Variants in SCARB2 observed in about 807,000 individuals in gnomAD.
SCARB2 encodes scavenger receptor class B member 2.
A neutral mutation model predicts 58.6 loss-of-function variants in SCARB2; 29 were observed. The ratio of observed to expected loss-of-function variants is 0.49; its 90% CI spans 0.37 to 0.67. The LOEUF (loss-of-function observed/expected upper bound fraction) is 0.67. Ranked by LOEUF, SCARB2 falls within the 30% of genes least tolerant of loss-of-function variation. The probability of loss-of-function intolerance (pLI) is 0.00; values close to 1 mark genes in which losing one functional copy is unlikely to be tolerated. For synonymous variants in SCARB2, 195 were observed against 210.1 expected (o/e 0.93, Z 0.62); for missense variants, 488 against 578.5 (o/e 0.84, Z 1.60).
chr4:76,171,515 G>A (rs1327716691), intron 7 of SCARB2, among the ~76,000 whole-genome samples: 1 of 152,156 alleles, frequency 6.6e-6, no homozygotes, highest in African/African-American at 2.4e-5. Flanking sequence ...GGATAATCCT[G>A]GGGAGTTTCA....
intron 7 of SCARB2, chr4:76,172,847 G>C (rs1732161082): frequency 6.6e-6 from 1 of 152,094 alleles, no homozygotes; most frequent in Admixed American, 6.6e-5. Context: ...ATAGATAAGG[G>C]AGCAAAAGTG....
chr4:76,215,251 T>G (rs1172493560), upstream of SCARB2, among the ~76,000 whole-genome samples: 5 of 152,232 alleles, frequency 3.3e-5, no homozygotes, highest in Non-Finnish European at 7.3e-5. Context: ...CTATAGTGTA[T>G]TATCCTCATT....
chr4:76,196,668 G>A (rs1234285630), intron 1 of SCARB2, among the ~76,000 whole-genome samples: 1 of 152,132 alleles, frequency 6.6e-6, no homozygotes, highest in Non-Finnish European at 1.5e-5. Flanking sequence ...ACCACCAGGG[G>A]CTTTAAATGT....
chr4:76,174,497 G>A (rs567109302), intron 6 of SCARB2, 184 bp from the exon 7 acceptor site: 5 of 617,568 alleles, frequency 8.1e-6, no homozygotes, highest in African/African-American at 7.3e-5. Flanking sequence ...GAATTGTAGT[G>A]GAAGGTGTTT....
In SCARB2 at chr4:76,176,501, CAT is replaced by C. The variant is rs2109944333; in HGVS notation, c.638_639del (p.Tyr213CysfsTer11). 1 of 1,611,370 alleles carries C rather than the reference CAT, an allele frequency of 6.2e-7. No individual in the cohort carries two copies. Among genetic ancestry groups the C allele is most frequent in the Non-Finnish European group, 8.5e-7 (1 of 1,178,376 alleles). The stretch of plus-strand genomic sequence containing the variant: ...TAACTGTCTTCTCCAGTTAGAAAAA[CAT>C]AGTCTCCATCATTAGTCCCATTTTT... The part of the protein sequence containing the change: ...YEKNGTNDGD[Y>X]VFLTGEDSYL... On this transcript the variant is annotated frameshift_variant, in exon 5 of 12. Transcript: ENST00000264896. LOFTEE classifies it high-confidence loss of function.
upstream of SCARB2, among the ~76,000 whole-genome samples, chr4:76,215,772 C>T (rs1190641280): frequency 6.6e-6 from 1 of 152,102 alleles, no homozygotes; most frequent in Non-Finnish European, 1.5e-5. Context: ...AGCCCTGAGT[C>T]TGTAGGAAGA....
chr4:76,196,129 G>T (rs555111552), intron 1 of SCARB2, among the ~76,000 whole-genome samples: 1 of 152,178 alleles, frequency 6.6e-6, no homozygotes, highest in South Asian at 2.1e-4. Context: ...AGGCCAAGGC[G>T]GGCAGATCAC....
chr4:76,171,338 A>G (rs1342715061), intron 7 of SCARB2, among the ~76,000 whole-genome samples: 1 of 152,198 alleles, frequency 6.6e-6, no homozygotes, highest in Non-Finnish European at 1.5e-5. Context: ...TCAAGAAGCT[A>G]TAACCACCTC....
intron 10 of SCARB2, chr4:76,164,507 C>CG (rs1483685804): frequency 6.6e-6 from 1 of 152,150 alleles, no homozygotes; most frequent in Non-Finnish European, 1.5e-5. Context: ...TGGTGGCGGG[C>CG]GCCTGTAGTC....
Position 76,161,250 on chromosome 4 carries a change from G to C in SCARB2, c.*463C>G, listed in dbSNP as rs17001551. 6.0e-6 allele frequency: 1 copy of C among 166,810 alleles called. No homozygotes were observed. Among genetic ancestry groups the C allele is most frequent in the Non-Finnish European group, 1.3e-5 (1 of 75,850 alleles). 10.3% of individuals were successfully genotyped at this position (166,810 alleles called of 1,614,324 possible). On this transcript the variant is annotated 3_prime_UTR_variant, in exon 12 of 12. Transcript: ENST00000264896. ...AAGCTACCATTTTACCCTGGGTCCCGAACTCTTATTTACTTCTGTTTTGCA... is the reference window on the plus strand; with the variant it reads ...AAGCTACCATTTTACCCTGGGTCCCCAACTCTTATTTACTTCTGTTTTGCA...
chr4:76,222,816 G>A (rs552448146), intron 1 of SCARB2, among the ~76,000 whole-genome samples: 5 of 152,294 alleles, frequency 3.3e-5, no homozygotes, highest in Admixed American at 6.5e-5. Context: ...AGAAGACCCT[G>A]GTCATGGATA....
At chr4:76,198,435 C>A (rs1047010090) in intron 1 of SCARB2, among the ~76,000 whole-genome samples, 2 of 152,224 alleles carry the variant, frequency 1.3e-5, no homozygotes, top group Non-Finnish European at 2.9e-5. Flanking sequence ...TTCTGACATG[C>A]GTAAACAGTG....
chr4:76,215,089 A>G (rs1223454981), upstream of SCARB2, among the ~76,000 whole-genome samples: 1 of 152,242 alleles, frequency 6.6e-6, no homozygotes, highest in African/African-American at 2.4e-5. Flanking sequence ...CTCAGTCATG[A>G]GCTGGGAGCA....
Position 76,202,476 on chromosome 4 carries a change from A to G in SCARB2, c.118-6612T>C, listed in dbSNP as rs566832263. On this transcript the variant is annotated intron_variant, in intron 1 of 11. Coordinates refer to ENST00000264896, the MANE Select transcript of SCARB2 (RefSeq NM_005506.4). ...GGGCTTCACCATGTTAGTCAGGCTG[A>G]TCTTGAACTCCTGATCTCAGGTGAT... is the stretch of plus-strand genomic sequence containing the variant. Among the ~76,000 whole-genome samples the G allele has an allele frequency of 2.0e-5, 3 of 152,204 alleles. No individual in the cohort carries two copies. In the East Asian group the frequency reaches 5.8e-4, roughly 29 times the overall value.
In SCARB2 at chr4:76,192,564, G is replaced by C. The variant is rs769077648; in HGVS notation, c.275+3143C>G. 4.3e-4 allele frequency: 66 copies of C among 152,112 alleles called. 1 individual carries two copies. Among genetic ancestry groups the C allele is most frequent in the Non-Finnish European group, 1.3e-4 (9 of 68,024 alleles). The allele number at this position is 152,112 out of a possible 1,614,324, so 9.4% of individuals were successfully genotyped here. A position where few individuals can be genotyped will look rare whatever the true frequency, so the allele number is the denominator to read the frequency against. On this transcript the variant is annotated intron_variant, in intron 2 of 11. Transcript: ENST00000264896. ...GGGAGTAAAAAAATGACTTAAAGTTGGACCTTATTTTTAAAAGGGAAGCAG... is the reference window on the plus strand; with the variant it reads ...GGGAGTAAAAAAATGACTTAAAGTTCGACCTTATTTTTAAAAGGGAAGCAG...
chr4:76,195,691 G>A lies in SCARB2; in HGVS notation c.275+16C>T. On this transcript the variant is annotated intron_variant, in intron 2 of 11. Coordinates refer to ENST00000264896, the MANE Select transcript of SCARB2 (RefSeq NM_005506.4). ...ACTCTGTATTTCTTTCAAGACAGGA[G>A]GTGGTCAAGACTTACCTGTAGGTGT... 2 of 1,611,932 alleles carry A rather than the reference G, an allele frequency of 1.2e-6. No homozygotes were observed. Among genetic ancestry groups the A allele is most frequent in the Non-Finnish European group, 1.7e-6 (2 of 1,178,228 alleles).
intron 1 of SCARB2, among the ~76,000 whole-genome samples, chr4:76,226,537 A>G (rs960432119): frequency 3.3e-5 from 5 of 152,174 alleles, no homozygotes; most frequent in South Asian, 4.2e-4. Flanking sequence ...TTTAGATTGT[A>G]GTGCTGTGGG....
Position 76,195,985 on chromosome 4 carries a change from A to C in SCARB2, c.118-121T>G, listed in dbSNP as rs550727009. The C allele has an allele frequency of 5.9e-6, 4 of 674,688 alleles. No homozygotes were observed. In the East Asian group the frequency reaches 8.2e-5, roughly 14 times the overall value. The allele number at this position is 674,688 out of a possible 1,614,324, so 41.8% of individuals were successfully genotyped here. On this transcript the variant is annotated intron_variant, in intron 1 of 11. Coordinates refer to ENST00000264896, the MANE Select transcript of SCARB2 (RefSeq NM_005506.4). Reference sequence around the variant, plus strand: ...CCTAGATCACTATTTTAATCATTTCACAGGCATTCAACTGCAGTCTCCTGA... The same window carrying C: ...CCTAGATCACTATTTTAATCATTTCCCAGGCATTCAACTGCAGTCTCCTGA...
rs193007986 is a variant in SCARB2 at position 76,209,493 on chromosome 4, C to T, written c.117+3934G>A. 4.0e-3 allele frequency among the ~76,000 whole-genome samples: 605 copies of T among 152,240 alleles called. 3 individuals are homozygous for T. Among genetic ancestry groups the T allele is most frequent in the Admixed American group, 5.0e-3 (76 of 15,298 alleles). On this transcript the variant is annotated intron_variant, in intron 1 of 11. Coordinates refer to ENST00000264896, the MANE Select transcript of SCARB2 (RefSeq NM_005506.4). ...AAGCGATTCTCCTGCCTCAGCCTCCCGAGTAGCTGGGACTACAGGCACCTG... is the reference window on the plus strand; with the variant it reads ...AAGCGATTCTCCTGCCTCAGCCTCCTGAGTAGCTGGGACTACAGGCACCTG...
Sources: gnomAD v4.1 joint callset for allele counts (sites outside exome capture counted in the v4.1 genomes callset) on GRCh38, gnomAD v4.1.1 for gene constraint, MANE v1.5 for transcripts, NCBI Gene and HGNC (gene_info 2026-07-23, HGNC 2026-07-21) for gene names.